The following ZNF654 variants were observed in gnomAD, a reference collection of about 807,000 sequenced individuals.
ZNF654 encodes the protein melanoma-associated antigen.
In ZNF654, 19 loss-of-function variants were observed where a neutral mutation model predicts 95.3. That is an observed-to-expected ratio of 0.20 (90% CI 0.14 to 0.29). The LOEUF (loss-of-function observed/expected upper bound fraction) is 0.29. Among genes scored for constraint, ZNF654 ranks in the 10% least tolerant of loss-of-function variants. The probability of loss-of-function intolerance (pLI) is 1.00; values close to 1 mark genes in which losing one functional copy is unlikely to be tolerated. For missense variants in ZNF654, 1,046 were observed against 1,341.0 expected (o/e 0.78, Z 3.44); for synonymous variants, 413 against 457.9 (o/e 0.90, Z 1.25).
intron 2 of ZNF654, among the ~76,000 whole-genome samples, chr3:88,098,057 C>G (rs546835196): frequency 2.4e-4 from 36 of 151,886 alleles, no homozygotes; most frequent in Middle Eastern, 6.8e-3. Context: ...GTTTTTGAAA[C>G]GATCAACAAA....
At chr3:88,108,975 T>A (rs978583117) in intron 2 of ZNF654, among the ~76,000 whole-genome samples, 4 of 152,166 alleles carry the variant, frequency 2.6e-5, no homozygotes, top group African/African-American at 7.2e-5. Flanking sequence ...ATGGTGCATG[T>A]TAAGGTGCTT....
intron 2 of ZNF654, among the ~76,000 whole-genome samples, chr3:88,091,993 A>G (rs1345385112): frequency 6.6e-6 from 1 of 152,248 alleles, no homozygotes; most frequent in Admixed American, 6.5e-5. Context: ...TGTTAAGCAG[A>G]AGCAAATCTT....
rs1396756499 is a variant in ZNF654, at chr3:88,142,887, G to A, written c.*1235G>A. Reference sequence around the variant, plus strand: ...TAAGAAGATTTTAACTTAATAAAGTGTTAAAACAATAAATATTTTTAAAAA... The same window carrying A: ...TAAGAAGATTTTAACTTAATAAAGTATTAAAACAATAAATATTTTTAAAAA... On this transcript the variant is annotated 3_prime_UTR_variant, in exon 9 of 9. Coordinates refer to ENST00000636215, the MANE Select transcript of ZNF654 (RefSeq NM_001350134.2). 6.6e-6 allele frequency: 1 copy of A among 152,176 alleles called. No homozygotes were observed. The highest frequency in any genetic ancestry group is 6.6e-5 in the Admixed American group (1 of 15,226). The allele number at this position is 152,176 out of a possible 1,614,324, so 9.4% of individuals were successfully genotyped here.
chr3:88,104,450 G>A (rs554422605), intron 2 of ZNF654, among the ~76,000 whole-genome samples: 1 of 152,254 alleles, frequency 6.6e-6, no homozygotes, highest in African/African-American at 2.4e-5. Flanking sequence ...AATGGATAGC[G>A]TTGTGTTTCA....
chr3:88,112,732 G>T (rs1463684592), intron 2 of ZNF654, among the ~76,000 whole-genome samples: 1 of 151,738 alleles, frequency 6.6e-6, no homozygotes, highest in African/African-American at 2.4e-5. Flanking sequence ...ATGAGATTTT[G>T]GATTTTCTCT....
intron 2 of ZNF654, among the ~76,000 whole-genome samples, chr3:88,093,966 A>G (rs879335367): frequency 3.9e-5 from 6 of 152,174 alleles, no homozygotes; most frequent in Non-Finnish European, 7.3e-5. Context: ...TTGACGAACA[A>G]TTATTCAACA....
intron 2 of ZNF654, among the ~76,000 whole-genome samples, chr3:88,100,788 C>T (rs1704370806): frequency 6.6e-6 from 1 of 151,568 alleles, no homozygotes; most frequent in Non-Finnish European, 1.5e-5. Context: ...GGAAGGGGAA[C>T]ATCACACAGC....
chr3:88,093,430 A>G (rs1159453295), intron 2 of ZNF654, among the ~76,000 whole-genome samples: 3 of 152,212 alleles, frequency 2.0e-5, no homozygotes, highest in Non-Finnish European at 4.4e-5. Flanking sequence ...GTTATGGGAC[A>G]GCAGGTATTT....
intron 2 of ZNF654, among the ~76,000 whole-genome samples, chr3:88,088,163 G>A (rs1708434447): frequency 6.6e-6 from 1 of 152,100 alleles, no homozygotes; most frequent in Admixed American, 6.5e-5. Context: ...AGATTTCTCA[G>A]TGAGACTACT....
chr3:88,137,894 T>G (rs553133371), intron 7 of ZNF654, among the ~76,000 whole-genome samples: 30 of 152,262 alleles, frequency 2.0e-4, no homozygotes, highest in Non-Finnish European at 4.0e-4. Flanking sequence ...GGCAGTATGA[T>G]ATATATACAT....
At chr3:88,069,913 A>G (rs1398584613) in intron 1 of ZNF654, among the ~76,000 whole-genome samples, 1 of 152,182 alleles carries the variant, frequency 6.6e-6, no homozygotes, top group Admixed American at 6.5e-5. Context: ...CCATATTTAG[A>G]TTTAACCTTG....
intron 2 of ZNF654, among the ~76,000 whole-genome samples, chr3:88,093,500 ATTT>A (rs1263108403): frequency 6.6e-6 from 1 of 152,156 alleles, no homozygotes; most frequent in Non-Finnish European, 1.5e-5. Context: ...AGCTAGTTGT[ATTT>A]GGTGTGTGCA....
At chr3:88,103,918 C>A (rs538514367) in intron 2 of ZNF654, among the ~76,000 whole-genome samples, 1 of 151,924 alleles carries the variant, frequency 6.6e-6, no homozygotes, top group South Asian at 2.1e-4. Flanking sequence ...AGGTGCCCGC[C>A]CCTATGCCTG....
In ZNF654 at chr3:88,061,348, T is replaced by C. The variant is rs146208247; in HGVS notation, c.186+1843T>C. On this transcript the variant is annotated intron_variant, in intron 1 of 8. Transcript: ENST00000636215. ...GACAGTACAATATTTTAACAACAAA[T>C]GAAGTTGACTACTTTATGACTTCGC... Among the ~76,000 whole-genome samples the C allele has an allele frequency of 8.2e-3, 1,249 of 152,272 alleles. 4 individuals carry two copies. The highest frequency in any genetic ancestry group is 0.013 in the Non-Finnish European group (910 of 68,006).
chr3:88,063,195 A>C (rs1484672751), intron 1 of ZNF654, among the ~76,000 whole-genome samples: 1 of 152,214 alleles, frequency 6.6e-6, no homozygotes, highest in Admixed American at 6.5e-5. Context: ...TGCAGTGCAC[A>C]GGATGGCTCT....
chr3:88,107,689 T>A (rs1704828606), intron 2 of ZNF654, among the ~76,000 whole-genome samples: 1 of 152,188 alleles, frequency 6.6e-6, no homozygotes, highest in African/African-American at 2.4e-5. Context: ...CTGTAGGTAC[T>A]CTGGATAATT....
chr3:88,096,594 G>A (rs1193600021), intron 2 of ZNF654, among the ~76,000 whole-genome samples: 3 of 152,066 alleles, frequency 2.0e-5, no homozygotes, highest in Non-Finnish European at 4.4e-5. Flanking sequence ...CTTTAAAGAA[G>A]TCCATCCAGT....
In ZNF654 at chr3:88,135,043, T is replaced by C; in HGVS notation, c.894-18T>C. 1 of 1,364,378 alleles carries C rather than the reference T, an allele frequency of 7.3e-7. No individual in the cohort carries two copies. Among genetic ancestry groups the C allele is most frequent in the Non-Finnish European group, 9.5e-7 (1 of 1,057,992 alleles). 84.5% of individuals were successfully genotyped at this position (1,364,378 alleles called of 1,614,324 possible). ...ATAAACTGTATTTTTGATAATTCTC[T>C]TTTTTTCTCATTTACAGGGAGTTGA... On this transcript the variant is annotated intron_variant, in intron 6 of 8. Transcript: ENST00000636215.
At chr3:88,097,389 C>T (rs188031925) in intron 2 of ZNF654, among the ~76,000 whole-genome samples, 5 of 151,534 alleles carry the variant, frequency 3.3e-5, no homozygotes, top group African/African-American at 1.2e-4. Flanking sequence ...TAATGGGAGA[C>T]TTTAACACCC....
Sources: allele counts gnomAD v4.1 joint callset (sites outside exome capture counted in the v4.1 genomes callset), GRCh38; gene constraint gnomAD v4.1.1; transcripts MANE v1.5; gene names NCBI Gene and HGNC (gene_info 2026-07-23, HGNC 2026-07-21).